CCDC85A: variants seen among roughly 807,000 people sequenced by gnomAD.
CCDC85A encodes the protein coiled-coil domain-containing protein 85A.
CCDC85A carries 38 observed loss-of-function variants against 50.2 expected under a neutral mutation model. That is an observed-to-expected ratio of 0.76 (90% confidence interval 0.58 to 0.99). The LOEUF (loss-of-function observed/expected upper bound fraction) is 0.99. CCDC85A is among the 50% of genes least tolerant of loss of function. The pLI is 0.00. For synonymous variants in CCDC85A, 366 were observed against 301.4 expected, an observed-to-expected ratio of 1.21 and a Z score of -2.22; for missense variants, 820 against 742.0, an observed-to-expected ratio of 1.11 and a Z score of -1.22.
At chr2:56,241,585 T>A (rs1399569491) in intron 2 of CCDC85A, among the ~76,000 whole-genome samples, 1 of 152,164 alleles carries the variant, frequency 6.6e-6, no homozygotes, top group Non-Finnish European at 1.5e-5. Context: ...AATGTGCAGT[T>A]TGTCTTTCTG....
intron 3 of CCDC85A, among the ~76,000 whole-genome samples, chr2:56,358,038 G>A (rs1675325016): frequency 6.6e-6 from 1 of 152,134 alleles, no homozygotes; most frequent in South Asian, 2.1e-4. Flanking sequence ...GGCAAGGTTT[G>A]TGTCCAGATT....
intron 2 of CCDC85A, among the ~76,000 whole-genome samples, chr2:56,204,041 G>T (rs1398326631): frequency 6.6e-6 from 1 of 152,134 alleles, no homozygotes; most frequent in Non-Finnish European, 1.5e-5. Context: ...TATCCATCAA[G>T]CAAGGGGCTT....
At chr2:56,276,975 C>T (rs1670976878) in intron 2 of CCDC85A, among the ~76,000 whole-genome samples, 1 of 152,160 alleles carries the variant, frequency 6.6e-6, no homozygotes, top group Non-Finnish European at 1.5e-5. Flanking sequence ...TACTACACAG[C>T]CTGAGGAGCA....
chr2:56,345,212 C>G (rs1573306803), intron 3 of CCDC85A, among the ~76,000 whole-genome samples: 1 of 151,950 alleles, frequency 6.6e-6, no homozygotes. Context: ...ATTTTTTTCT[C>G]TCTAAGAAAT....
intron 3 of CCDC85A, among the ~76,000 whole-genome samples, chr2:56,364,140 C>G (rs970170144): frequency 4.6e-5 from 7 of 152,218 alleles, no homozygotes; most frequent in Admixed American, 4.6e-4. Context: ...TTAACAGCCT[C>G]TTTTTCTTTT....
intron 3 of CCDC85A, among the ~76,000 whole-genome samples, chr2:56,365,930 C>A (rs1257009843): frequency 6.6e-6 from 1 of 152,080 alleles, no homozygotes; most frequent in African/African-American, 2.4e-5. Flanking sequence ...CCCCTCAACT[C>A]CTGGTAACCA....
At chr2:56,210,666 G>A (rs569714263) in intron 2 of CCDC85A, among the ~76,000 whole-genome samples, 19 of 152,018 alleles carry the variant, frequency 1.2e-4, no homozygotes, top group African/African-American at 4.1e-4. Context: ...AGCATCCCCC[G>A]AATTTCGGTG....
chr2:56,347,517 TCA>T, intron 3 of CCDC85A, among the ~76,000 whole-genome samples: 1 of 152,340 alleles, frequency 6.6e-6, no homozygotes, highest in East Asian at 1.9e-4. Context: ...AAATAAATGT[TCA>T]GTTTTTCTTA....
At chr2:56,257,890 G>A (rs1206644005) in intron 2 of CCDC85A, among the ~76,000 whole-genome samples, 1 of 152,126 alleles carries the variant, frequency 6.6e-6, no homozygotes, top group East Asian at 1.9e-4. Flanking sequence ...ACTGATGGAG[G>A]GGGAGAGAAA....
At chr2:56,270,918 T>C (rs1213275401) in intron 2 of CCDC85A, among the ~76,000 whole-genome samples, 1 of 152,232 alleles carries the variant, frequency 6.6e-6, no homozygotes, top group Non-Finnish European at 1.5e-5. Flanking sequence ...TCAAGTGCCT[T>C]TTCTGTTTCA....
intron 2 of CCDC85A, among the ~76,000 whole-genome samples, chr2:56,288,114 G>A (rs908684399): frequency 5.9e-5 from 9 of 152,248 alleles, no homozygotes; most frequent in Admixed American, 2.0e-4. Context: ...CTGAGTAGGA[G>A]CACTAATGCC....
chr2:56,202,995 G>A (rs769436746), intron 2 of CCDC85A, among the ~76,000 whole-genome samples: 1 of 152,168 alleles, frequency 6.6e-6, no homozygotes. Context: ...AATAACAGAC[G>A]AAGGCAATTG....
intron 2 of CCDC85A, among the ~76,000 whole-genome samples, chr2:56,229,950 C>A (rs1668708402): frequency 1.3e-5 from 2 of 152,156 alleles, no homozygotes; most frequent in African/African-American, 4.8e-5. Flanking sequence ...TAACATTTCA[C>A]TGGGAAAATT....
intron 5 of CCDC85A, among the ~76,000 whole-genome samples, chr2:56,377,969 G>A (rs1357982662): frequency 6.6e-6 from 1 of 152,106 alleles, no homozygotes; most frequent in African/African-American, 2.4e-5. Context: ...TCCTTGGTTG[G>A]CAGATGAGTG....
chr2:56,341,876 T>C (rs183111919), intron 2 of CCDC85A, among the ~76,000 whole-genome samples: 1 of 152,360 alleles, frequency 6.6e-6, no homozygotes, highest in East Asian at 1.9e-4. Flanking sequence ...TCATGTTTTT[T>C]CTGTCAATGT....
intron 2 of CCDC85A, among the ~76,000 whole-genome samples, chr2:56,244,855 A>G (rs537312152): frequency 2.6e-5 from 4 of 152,040 alleles, no homozygotes; most frequent in African/African-American, 9.6e-5. Context: ...GTTTCTAGAA[A>G]TGTTATCTGA....
chr2:56,372,419 C>A lies in CCDC85A; in HGVS notation c.1393C>A (p.Arg465=), dbSNP rs769036577. 4 of 1,607,552 alleles carry A rather than the reference C, an allele frequency of 2.5e-6. No homozygotes were observed. Among genetic ancestry groups the A allele is most frequent in the Non-Finnish European group, 3.4e-6 (4 of 1,176,900 alleles). The change falls in exon 4 of 6, where the codon CGG becomes AGG. Residue 465 remains arginine, a synonymous_variant. Transcript: ENST00000407595. ...GAAAGGCTGGGGGTCCAGAGCCCGG[C>A]GGGTCTTGCAGTGGTGGCAAGGGTG... is the stretch of plus-strand genomic sequence containing the variant. ...MEKGWGSRAR[R]VLQWWQGCRG...
chr2:56,313,012 T>A (rs530929106), intron 2 of CCDC85A, among the ~76,000 whole-genome samples: 1 of 152,304 alleles, frequency 6.6e-6, no homozygotes, highest in East Asian at 1.9e-4. Flanking sequence ...ATTCTCACAT[T>A]GGTTAGGTCT....
intron 3 of CCDC85A, among the ~76,000 whole-genome samples, chr2:56,361,639 A>G (rs1176650185): frequency 6.6e-6 from 1 of 152,212 alleles, no homozygotes; most frequent in Non-Finnish European, 1.5e-5. Context: ...GGGAACAGCA[A>G]GGATATTTCA....
Sources: allele counts gnomAD v4.1 joint callset (sites outside exome capture counted in the v4.1 genomes callset), GRCh38; gene constraint gnomAD v4.1.1; transcripts MANE v1.5; gene names NCBI Gene and HGNC (gene_info 2026-07-23, HGNC 2026-07-21).